Variants in ADGRB1 observed in about 807,000 individuals in gnomAD.
The protein encoded by ADGRB1 is adhesion G protein-coupled receptor B1.
In ADGRB1, 36 loss-of-function variants were observed where a neutral mutation model predicts 175.7. That is an observed-to-expected ratio of 0.20 (90% confidence interval 0.16 to 0.27). The LOEUF (loss-of-function observed/expected upper bound fraction) is 0.27. Ranked by LOEUF, ADGRB1 falls within the 10% of genes least tolerant of loss-of-function variation. The pLI is 1.00. For missense variants in ADGRB1, 1,731 were observed against 2,255.3 expected (o/e 0.77, Z 4.71); for synonymous variants, 1,054 against 979.4 (o/e 1.08, Z -1.42).
At chr8:142,459,744 A>G (rs1361665189) in intron 1 of ADGRB1, among the ~76,000 whole-genome samples, 1 of 152,206 alleles carries the variant, frequency 6.6e-6, no homozygotes, top group Non-Finnish European at 1.5e-5. Context: ...GCATTTGTGC[A>G]CACATTGACA....
At chr8:142,475,978 G>A (rs1404600387) in intron 3 of ADGRB1, among the ~76,000 whole-genome samples, 2 of 151,870 alleles carry the variant, frequency 1.3e-5, no homozygotes, top group Non-Finnish European at 2.9e-5. Flanking sequence ...GGCTGGGTGG[G>A]ACTAGTTGGG....
At chr8:142,508,022 A>G (rs77329497) in intron 17 of ADGRB1, among the ~76,000 whole-genome samples, 3,593 of 151,968 alleles carry the variant, frequency 0.024, 142 homozygotes, top group African/African-American at 0.083. Flanking sequence ...CCAACGTCAC[A>G]TAGCAAGACA....
At chr8:142,486,707 C>T (rs2131858795) in intron 13 of ADGRB1, among the ~76,000 whole-genome samples, 1 of 152,308 alleles carries the variant, frequency 6.6e-6, no homozygotes, top group South Asian at 2.1e-4. Context: ...GGGAGGCTAA[C>T]TAGCATTAAC....
chr8:142,484,787 A>G, intron 13 of ADGRB1, 23 bp downstream of exon 13: 3 of 1,536,756 alleles, frequency 2.0e-6, no homozygotes, highest in Non-Finnish European at 2.7e-6. Flanking sequence ...GCCTGCTGCC[A>G]CCCCCCATGC....
chr8:142,506,509 C>A (rs1842860687), intron 17 of ADGRB1, among the ~76,000 whole-genome samples: 1 of 152,204 alleles, frequency 6.6e-6, no homozygotes, highest in Admixed American at 6.5e-5. Flanking sequence ...GGACCTCGCT[C>A]TGTGACCCAG....
rs1194599560 is a variant in ADGRB1 at position 142,474,293 on chromosome 8, G to A, written c.785-1181G>A. Among the ~76,000 whole-genome samples, 1 of 152,156 alleles carries A rather than the reference G, an allele frequency of 6.6e-6. No individual in the cohort carries two copies. The highest frequency in any genetic ancestry group is 2.4e-5 in the African/African-American group (1 of 41,422). Reference sequence around the variant, plus strand: ...TGCTGTACCTGGGATCGAGCTGCCGGATCCCCAGTGTTCCCCAGTGGCAGC... The same window carrying A: ...TGCTGTACCTGGGATCGAGCTGCCGAATCCCCAGTGTTCCCCAGTGGCAGC... On this transcript the variant is annotated intron_variant, in intron 2 of 30. Transcript: ENST00000517894. This position sits in a 1 kb window ranked among gnomAD's most constrained non-coding sequence, Gnocchi z 5.8.
At chr8:142,453,985 C>A (rs945837437) in intron 1 of ADGRB1, among the ~76,000 whole-genome samples, 2 of 152,284 alleles carry the variant, frequency 1.3e-5, no homozygotes, top group Non-Finnish European at 2.9e-5. Flanking sequence ...GGAGGCAGGA[C>A]AGGGGCTGCA....
rs1843051095 is a variant in ADGRB1 at position 142,510,738 on chromosome 8, G to C, written c.2676-194G>C. ...CGGCGGCGGCGGCGGCGGGCGCAGA[G>C]CGCGGCATGGGCGCCCGGGCCGCGG... is the stretch of plus-strand genomic sequence containing the variant. On this transcript the variant is annotated intron_variant, in intron 17 of 30. Coordinates refer to ENST00000517894, the MANE Select transcript of ADGRB1 (RefSeq NM_001702.3). This position sits in a 1 kb window ranked among gnomAD's most constrained non-coding sequence, Gnocchi z 6.3. Among the ~76,000 whole-genome samples the C allele has an allele frequency of 6.9e-6, 1 of 145,258 alleles. No individual in the cohort carries two copies. The highest frequency in any genetic ancestry group is 2.0e-4 in the East Asian group (1 of 4,978).
intron 1 of ADGRB1, among the ~76,000 whole-genome samples, chr8:142,459,561 CCT>C (rs1249456364): frequency 1.3e-5 from 2 of 152,208 alleles, no homozygotes; most frequent in Non-Finnish European, 1.5e-5. Flanking sequence ...TCCCCGCTGC[CCT>C]CACATCCCAG....
intron 18 of ADGRB1, among the ~76,000 whole-genome samples, chr8:142,515,073 C>T (rs1298999939): frequency 5.3e-5 from 8 of 152,028 alleles, no homozygotes; most frequent in Non-Finnish European, 1.0e-4. Flanking sequence ...CGGTCACCAG[C>T]CAGGAGAAGC....
intron 2 of ADGRB1, among the ~76,000 whole-genome samples, chr8:142,468,233 C>T (rs1271406613): frequency 6.6e-6 from 1 of 151,528 alleles, no homozygotes; most frequent in Non-Finnish European, 1.5e-5. Flanking sequence ...TGTGCGTGTG[C>T]AGTACATTAC....
Position 142,510,916 on chromosome 8 carries a change from T to TGGCCCC in ADGRB1, c.2676-16_2676-15insGGCCCC. 5 of 969,724 alleles carry TGGCCCC rather than the reference T, an allele frequency of 5.2e-6. No individual in the cohort carries two copies. Among genetic ancestry groups the TGGCCCC allele is most frequent in the Non-Finnish European group, 6.3e-6 (5 of 789,284 alleles). The allele number at this position is 969,724 out of a possible 1,614,324, so 60.1% of individuals were successfully genotyped here. The stretch of plus-strand genomic sequence containing the variant: ...ACGCTCCGCCTGTCTCCCTCCCGTG[T>TGGCCCC]CCCGCCCGCCCCCAGACCCTCCTCC... On this transcript the variant is annotated splice_polypyrimidine_tract_variant and intron_variant, in intron 17 of 30. Coordinates refer to ENST00000517894, the MANE Select transcript of ADGRB1 (RefSeq NM_001702.3). The surrounding 1 kb of genome is among the most constrained non-coding windows in gnomAD (Gnocchi z 6.3).
rs1433468395 is a variant in ADGRB1, at chr8:142,464,135, T to C, written c.-64T>C. On this transcript the variant is annotated 5_prime_UTR_variant, in exon 2 of 31. The change abolishes an upstream ATG in the 5' untranslated region. Transcript: ENST00000517894. The stretch of plus-strand genomic sequence containing the variant: ...CCCTGCCCGCCGCCGGACCCTGGCA[T>C]GTCAAGACCTGGTCCGCGCCTGCCT... The C allele has an allele frequency of 1.0e-6, 1 of 984,008 alleles. No individual in the cohort carries two copies. Among genetic ancestry groups the C allele is most frequent in the Non-Finnish European group, 1.2e-6 (1 of 823,444 alleles). 61.0% of individuals were successfully genotyped at this position (984,008 alleles called of 1,614,324 possible). A position where few individuals can be genotyped will look rare whatever the true frequency, so the allele number is the denominator to read the frequency against.
intron 17 of ADGRB1, among the ~76,000 whole-genome samples, chr8:142,506,250 T>G (rs1448289652): frequency 6.6e-6 from 1 of 152,166 alleles, no homozygotes; most frequent in Non-Finnish European, 1.5e-5. Flanking sequence ...GGGTGGGCAG[T>G]GGCTGGACCT....
chr8:142,516,370 C>G (rs1306279343), intron 18 of ADGRB1, among the ~76,000 whole-genome samples: 3 of 125,952 alleles, frequency 2.4e-5, no homozygotes, highest in Non-Finnish European at 4.8e-5. Flanking sequence ...GTGTGCGGGC[C>G]CCAGGTGCGT....
intron 20 of ADGRB1, 34 bp from the exon 21 acceptor site, chr8:142,521,931 C>T (rs1414516789): frequency 6.4e-7 from 1 of 1,552,760 alleles, no homozygotes; most frequent in African/African-American, 1.4e-5. Flanking sequence ...CGGGGAGCAC[C>T]TGCCCAGCCT....
chr8:142,486,381 G>A (rs1841672410), intron 13 of ADGRB1, among the ~76,000 whole-genome samples: 1 of 152,238 alleles, frequency 6.6e-6, no homozygotes, highest in Admixed American at 6.5e-5. Context: ...TCTGATCCCT[G>A]CAGCCAACCT....
intron 2 of ADGRB1, among the ~76,000 whole-genome samples, chr8:142,475,025 C>T (rs148855929): frequency 0.01 from 1,551 of 152,218 alleles, 21 homozygotes; most frequent in Admixed American, 0.042. Context: ...GGTGACCCTC[C>T]GCTGAGCCCA....
intron 30 of ADGRB1, 53 bp from the exon 31 acceptor site, chr8:142,544,167 T>C (rs1325114531): frequency 6.5e-7 from 1 of 1,532,462 alleles, no homozygotes; most frequent in Non-Finnish European, 8.8e-7. Context: ...CTCCTCGGGC[T>C]CATGGCTCTC....
Sources: allele counts gnomAD v4.1 joint callset (sites outside exome capture counted in the v4.1 genomes callset), GRCh38; gene constraint gnomAD v4.1.1; non-coding constraint Gnocchi (gnomAD v3.1); transcripts MANE v1.5; gene names NCBI Gene and HGNC (gene_info 2026-07-23, HGNC 2026-07-21).